Variants in RUBCN observed in about 807,000 individuals in gnomAD.
The protein encoded by RUBCN is rubicon autophagy regulator, also known as run domain Beclin-1-interacting and cysteine-rich domain-containing protein.
A neutral mutation model predicts 113.2 loss-of-function variants in RUBCN; 74 were observed. The ratio of observed to expected loss-of-function variants is 0.65; its 90% CI spans 0.54 to 0.79. RUBCN has a LOEUF of 0.79. Among genes scored for constraint, RUBCN ranks in the 30% least tolerant of loss-of-function variants. The pLI is 0.00. For missense variants in RUBCN, 1,109 were observed against 1,251.7 expected (o/e 0.89, Z 1.72); for synonymous variants, 480 against 490.0 (o/e 0.98, Z 0.27).
chr3:197,674,796 G>C lies in RUBCN; in HGVS notation c.*222C>G. On this transcript the variant is annotated 3_prime_UTR_variant, in exon 20 of 20. Coordinates refer to ENST00000296343, the MANE Select transcript of RUBCN (RefSeq NM_014687.4). Reference sequence around the variant, plus strand: ...ATGTCAGTTCTGATGGAAACACCTGGTGTTTACAAATTATCTGTCACCACA... The same window carrying C: ...ATGTCAGTTCTGATGGAAACACCTGCTGTTTACAAATTATCTGTCACCACA... 2 of 537,220 alleles carry C rather than the reference G, an allele frequency of 3.7e-6. No individual in the cohort carries two copies. The highest frequency in any genetic ancestry group is 6.5e-6 in the Non-Finnish European group (2 of 307,862). 33.3% of individuals were successfully genotyped at this position (537,220 alleles called of 1,614,324 possible).
chr3:197,701,233 G>A (rs541265684), intron 6 of RUBCN, 87 bp from the exon 7 acceptor site: 4 of 1,206,656 alleles, frequency 3.3e-6, no homozygotes, highest in East Asian at 4.8e-5. Flanking sequence ...CAGGACATAC[G>A]ATGTCACCTC....
chr3:197,671,615 A>G lies in RUBCN; in HGVS notation c.*3403T>C, dbSNP rs1719798921. The G allele has an allele frequency of 1.3e-5, 2 of 152,214 alleles. No individual in the cohort carries two copies. The highest frequency in any genetic ancestry group is 1.3e-4 in the Admixed American group (2 of 15,280). 9.4% of individuals were successfully genotyped at this position (152,214 alleles called of 1,614,324 possible). A position where few individuals can be genotyped will look rare whatever the true frequency, so the allele number is the denominator to read the frequency against. ...TTTAGACACACTGGTTGGAGATGAC[A>G]AGGGGACATTTAAGGGGAAATGTTG... is the stretch of plus-strand genomic sequence containing the variant. On this transcript the variant is annotated 3_prime_UTR_variant, in exon 20 of 20. Coordinates refer to ENST00000296343, the MANE Select transcript of RUBCN (RefSeq NM_014687.4).
Position 197,693,783 on chromosome 3 carries a change from C to CTGAACTG in RUBCN, c.1711_1717dup (p.Ser573ThrfsTer6), listed in dbSNP as rs2108882882. 5 of 1,614,102 alleles carry CTGAACTG rather than the reference C, an allele frequency of 3.1e-6. No homozygotes were observed. The highest frequency in any genetic ancestry group is 1.3e-5 in the African/African-American group (1 of 75,064). The stretch of plus-strand genomic sequence containing the variant: ...AGAGAGCTGTGCCGAATCACGTGAG[C>CTGAACTG]TGAACTGGGAGCTGCTGGAGGTGAC... On this transcript the variant is annotated frameshift_variant, in exon 11 of 20. Coordinates refer to ENST00000296343, the MANE Select transcript of RUBCN (RefSeq NM_014687.4). LOFTEE classifies it high-confidence loss of function.
intron 9 of RUBCN, among the ~76,000 whole-genome samples, chr3:197,694,975 G>A (rs1357554756): frequency 3.3e-5 from 5 of 152,206 alleles, no homozygotes; most frequent in African/African-American, 1.2e-4. Context: ...CTGAGCCTTA[G>A]AACAAAAGAT....
At chr3:197,737,356 A>G (rs1728267115), upstream of RUBCN, 1 of 150,426 alleles carries the variant, frequency 6.6e-6, no homozygotes, top group Non-Finnish European at 1.5e-5. Flanking sequence ...GCGCTCACAA[A>G]CAAGAGCACA....
intron 1 of RUBCN, among the ~76,000 whole-genome samples, chr3:197,732,924 A>AT: frequency 6.6e-6 from 1 of 152,230 alleles, no homozygotes; most frequent in South Asian, 2.1e-4. Flanking sequence ...TGGATTCGAC[A>AT]TTTTTCCTAC....
chr3:197,721,022 A>G (rs1726100927), intron 1 of RUBCN, among the ~76,000 whole-genome samples: 1 of 151,584 alleles, frequency 6.6e-6, no homozygotes. Context: ...GTTTGCTAGT[A>G]TTTTGTGAAG....
At position 197,684,159 on chromosome 3, in the gene RUBCN, G is replaced by A; in HGVS notation, c.1845C>T (p.Ser615=). 6.2e-7 allele frequency: 1 copy of A among 1,608,254 alleles called. No homozygotes were observed. Among genetic ancestry groups the A allele is most frequent in the South Asian group, 1.1e-5 (1 of 90,928 alleles). The change falls in exon 12 of 20, where the codon TCC becomes TCT. Residue 615 remains serine (S), a splice_region_variant and synonymous_variant. Coordinates refer to ENST00000296343, the MANE Select transcript of RUBCN (RefSeq NM_014687.4). ...SSSKSFVSSQ[S]FSHCFLHSTS... ...TTTTGGTAAAAAAAAGTACTCACAA[G>A]GACTGGGAGGAAACGAAGGATTTGC...
Position 197,736,792 on chromosome 3 carries a change from C to T in RUBCN, c.-73G>A. ...CTTCGCCCTTCAGGGCTCCCGGGGC[C>T]CCCTGGGGCCGGAGGAGGCACCTGC... On this transcript the variant is annotated 5_prime_UTR_variant, in exon 1 of 20. Transcript: ENST00000296343. 6.7e-7 allele frequency: 1 copy of T among 1,485,594 alleles called. No homozygotes were observed. Among genetic ancestry groups the T allele is most frequent in the Non-Finnish European group, 8.9e-7 (1 of 1,125,408 alleles). The allele number at this position is 1,485,594 out of a possible 1,614,324, so 92.0% of individuals were successfully genotyped here. A position where few individuals can be genotyped will look rare whatever the true frequency, so the allele number is the denominator to read the frequency against.
rs76888612 is a variant in RUBCN, at chr3:197,669,335, G to A, written c.*5683C>T. 0.021 allele frequency among the ~76,000 whole-genome samples: 3,256 copies of A among 152,236 alleles called. 74 individuals carry two copies. The highest frequency in any genetic ancestry group is 0.051 in the African/African-American group (2,118 of 41,540). The stretch of plus-strand genomic sequence containing the variant: ...GGATCCCACATGGCATTCAGTCATC[G>A]TATCTGCTTAGTCTCCTCTCGTCCG... On this transcript the variant is annotated 3_prime_UTR_variant, in exon 20 of 20. Transcript: ENST00000296343.
At chr3:197,735,715 C>G (rs1728045520) in intron 1 of RUBCN, among the ~76,000 whole-genome samples, 1 of 152,038 alleles carries the variant, frequency 6.6e-6, no homozygotes, top group Non-Finnish European at 1.5e-5. Flanking sequence ...CCTCAGCCTC[C>G]CGAGTAGCTG....
chr3:197,728,475 A>G (rs948319352), intron 1 of RUBCN, among the ~76,000 whole-genome samples: 2 of 152,246 alleles, frequency 1.3e-5, no homozygotes, highest in African/African-American at 2.4e-5. Flanking sequence ...CGGGAAAGAA[A>G]GAAAACAGGA....
intron 5 of RUBCN, 32 bp from the exon 6 acceptor site, chr3:197,701,896 C>CAG: frequency 6.2e-7 from 1 of 1,610,114 alleles, no homozygotes; most frequent in South Asian, 1.1e-5. Flanking sequence ...AAAAATGTGT[C>CAG]AGAGTTAAGG....
At chr3:197,735,287 T>A (rs1727990103) in intron 1 of RUBCN, among the ~76,000 whole-genome samples, 1 of 152,232 alleles carries the variant, frequency 6.6e-6, no homozygotes, top group South Asian at 2.1e-4. Flanking sequence ...TATCCCCAGC[T>A]ACTTGGGAAG....
intron 2 of RUBCN, among the ~76,000 whole-genome samples, chr3:197,715,220 C>G (rs1010623945): frequency 2.0e-4 from 30 of 146,738 alleles, no homozygotes; most frequent in African/African-American, 7.5e-4. Context: ...ACCCGGGAGG[C>G]AGAGGCTGTG....
In RUBCN at chr3:197,700,961, C is replaced by A; in HGVS notation, c.913G>T (p.Ala305Ser). ...SSSTLTSPIE[A>S]SWVSSQNDSP... ...TCATTCTGGCTGCTGACCCAGGATG[C>A]CTCTATGGGGCTGGTCAGAGTACTG... Residue 305 changes from alanine (A) to serine (S), a missense_variant, in exon 7 of 20, where the codon GCA (alanine) becomes TCA (serine). Around this residue, in one of 3 missense-constraint regions of RUBCN, gnomAD observed 736 missense variants for 779.6 expected, o/e 0.94. Coordinates refer to ENST00000296343, the MANE Select transcript of RUBCN (RefSeq NM_014687.4). The A allele has an allele frequency of 6.2e-7, 1 of 1,614,168 alleles. No individual in the cohort carries two copies. The highest frequency in any genetic ancestry group is 1.1e-5 in the South Asian group (1 of 91,076).
rs1722767121 is a variant in RUBCN at position 197,694,356 on chromosome 3, A to C, written c.1684+19T>G. ...GTTGGGAAAATGTGGGAACAGAAGC[A>C]TCCACAGGCTCCACTGACTTCCGTG... On this transcript the variant is annotated intron_variant, in intron 10 of 19. Transcript: ENST00000296343. 6.2e-7 allele frequency: 1 copy of C among 1,611,710 alleles called. No homozygotes were observed. Among genetic ancestry groups the C allele is most frequent in the African/African-American group, 1.3e-5 (1 of 74,994 alleles).
intron 8 of RUBCN, among the ~76,000 whole-genome samples, 164 bp downstream of exon 8, chr3:197,696,790 G>T (rs1362387001): frequency 6.9e-6 from 1 of 144,422 alleles, no homozygotes; most frequent in Non-Finnish European, 1.5e-5. Flanking sequence ...GCAGAGCAGT[G>T]TGATTTCTAG....
chr3:197,729,140 C>T (rs1181426449), intron 1 of RUBCN, among the ~76,000 whole-genome samples: 3 of 138,074 alleles, frequency 2.2e-5, no homozygotes, highest in South Asian at 2.3e-4. Flanking sequence ...AGCGAGACTC[C>T]GTCTCAAAAA....
Sources: allele counts gnomAD v4.1 joint callset (sites outside exome capture counted in the v4.1 genomes callset), GRCh38; gene constraint gnomAD v4.1.1; regional missense constraint gnomAD v4.1.1; transcripts MANE v1.5; gene names NCBI Gene and HGNC (gene_info 2026-07-23, HGNC 2026-07-21).